TPST2: variants seen among roughly 807,000 people sequenced by gnomAD.
TPST2 encodes tyrosylprotein sulfotransferase 2, also known as protein-tyrosine sulfotransferase 2.
In TPST2, 16 loss-of-function variants were observed where a neutral mutation model predicts 27.8. The observed-to-expected ratio is 0.58, with a 90% confidence interval of 0.39 to 0.88. TPST2 has a LOEUF of 0.88. Among genes scored for constraint, TPST2 ranks in the 40% least tolerant of loss-of-function variants. TPST2 has a pLI of 0.00. For missense variants in TPST2, 464 were observed against 543.1 expected, an observed-to-expected ratio of 0.85 and a Z score of 1.45; for synonymous variants, 229 against 231.7, an observed-to-expected ratio of 0.99 and a Z score of 0.10.
chr22:26,582,233 G>C (rs769868023), intron 1 of TPST2, among the ~76,000 whole-genome samples: 1 of 152,056 alleles, frequency 6.6e-6, no homozygotes, highest in Non-Finnish European at 1.5e-5. Flanking sequence ...TTGAGACCAG[G>C]CTGGCCAACA....
intron 1 of TPST2, among the ~76,000 whole-genome samples, chr22:26,587,275 C>T (rs1341614612): frequency 6.6e-6 from 1 of 152,184 alleles, no homozygotes; most frequent in Non-Finnish European, 1.5e-5. Flanking sequence ...CTTTCACCCC[C>T]TCCTAATACT....
At chr22:26,557,094 C>A (rs770612706) in intron 1 of TPST2, among the ~76,000 whole-genome samples, 1 of 152,232 alleles carries the variant, frequency 6.6e-6, no homozygotes, top group Non-Finnish European at 1.5e-5. Context: ...ATAAAAGAAC[C>A]ATGGCTCCTC....
intron 1 of TPST2, chr22:26,555,265 G>GA (rs1569187581): frequency 1.9e-6 from 1 of 529,656 alleles, no homozygotes; most frequent in Non-Finnish European, 3.8e-6. Flanking sequence ...TTTTGCCACT[G>GA]AAAGTAATAC....
At chr22:26,568,089 C>A (rs1474641744) in intron 1 of TPST2, among the ~76,000 whole-genome samples, 9 of 152,192 alleles carry the variant, frequency 5.9e-5, no homozygotes, top group Admixed American at 5.2e-4. Flanking sequence ...TTCAACTGTT[C>A]ACCGAAGGGC....
chr22:26,533,325 C>G (rs1007528939), intron 4 of TPST2, among the ~76,000 whole-genome samples: 1 of 152,144 alleles, frequency 6.6e-6, no homozygotes, highest in Admixed American at 6.5e-5. Context: ...CCAGCCTCAG[C>G]TGGAGGATTG....
intron 1 of TPST2, among the ~76,000 whole-genome samples, chr22:26,568,466 G>A (rs766312538): frequency 1.1e-4 from 16 of 152,160 alleles, no homozygotes; most frequent in Non-Finnish European, 2.2e-4. Flanking sequence ...GATACAGGTC[G>A]TAAAGACCCC....
intron 1 of TPST2, among the ~76,000 whole-genome samples, chr22:26,572,220 T>C (rs919929949): frequency 6.6e-6 from 1 of 152,134 alleles, no homozygotes; most frequent in African/African-American, 2.4e-5. Context: ...GGTTCAAAGA[T>C]GGACGTTTGA....
At chr22:26,565,723 G>A (rs1927346395) in intron 1 of TPST2, 5 of 152,076 alleles carry the variant, frequency 3.3e-5, no homozygotes, top group Admixed American at 2.6e-4. Flanking sequence ...TGTTACAGAA[G>A]TAAATTTAAT....
chr22:26,577,095 CAAA>C (rs34865016), intron 1 of TPST2, among the ~76,000 whole-genome samples: 4 of 75,514 alleles, frequency 5.3e-5, no homozygotes, highest in Non-Finnish European at 7.4e-5. Context: ...GACTCTGTTG[CAAA>C]AAAAAAAAAA....
At position 26,540,863 on chromosome 22, in the gene TPST2, G is replaced by A. The variant is rs145597019; in HGVS notation, c.768C>T (p.Leu256=). The change falls in exon 3 of 7, where the codon CTC becomes CTT. Residue 256 remains leucine (L), a synonymous_variant. Coordinates refer to ENST00000338754, the MANE Select transcript of TPST2 (RefSeq NM_003595.5). The part of the protein sequence containing the change: ...RRSLKLILDF[L]GIAWSDAVLH... ...GGACAGCGTCGCTCCAGGCGATGCC[G>A]AGGAAGTCGAGGATGAGCTTGAGTG... The A allele has an allele frequency of 5.0e-5, 80 of 1,613,926 alleles. No individual in the cohort carries two copies. Among genetic ancestry groups the A allele is most frequent in the African/African-American group, 1.1e-4 (8 of 74,918 alleles).
intron 5 of TPST2, among the ~76,000 whole-genome samples, chr22:26,531,962 T>G (rs8142388): frequency 0.033 from 4,960 of 152,218 alleles, 277 homozygotes; most frequent in African/African-American, 0.11. Context: ...GCCAAAACCC[T>G]GTCTCTACAA....
At chr22:26,551,318 T>C (rs1374341458) in intron 1 of TPST2, among the ~76,000 whole-genome samples, 2 of 152,096 alleles carry the variant, frequency 1.3e-5, no homozygotes, top group South Asian at 2.1e-4. Flanking sequence ...AAAAAAACAT[T>C]AGTTCAGACT....
intron 3 of TPST2, among the ~76,000 whole-genome samples, chr22:26,539,015 C>T (rs1003908608): frequency 2.6e-5 from 4 of 152,194 alleles, no homozygotes; most frequent in Non-Finnish European, 4.4e-5. Flanking sequence ...GTTGTTTCTC[C>T]GTTCTTCTTT....
At chr22:26,549,854 C>A (rs1926363779) in intron 1 of TPST2, among the ~76,000 whole-genome samples, 1 of 139,368 alleles carries the variant, frequency 7.2e-6, no homozygotes, top group Non-Finnish European at 1.5e-5. Context: ...CACGGTGAAA[C>A]CCCCCTCTCT....
At chr22:26,547,018 A>C (rs971508715) in intron 1 of TPST2, among the ~76,000 whole-genome samples, 4 of 152,134 alleles carry the variant, frequency 2.6e-5, no homozygotes, top group African/African-American at 9.7e-5. Context: ...ATCACTGCAG[A>C]GTGTTCTGCT....
chr22:26,540,418 G>A (rs534516445), intron 3 of TPST2, among the ~76,000 whole-genome samples: 1 of 152,120 alleles, frequency 6.6e-6, no homozygotes, highest in Admixed American at 6.6e-5. Flanking sequence ...TGGGCAACAG[G>A]GCAAACCCCA....
chr22:26,574,636 T>C (rs1927759721), intron 1 of TPST2, among the ~76,000 whole-genome samples: 1 of 152,200 alleles, frequency 6.6e-6, no homozygotes, highest in Non-Finnish European at 1.5e-5. Context: ...TCTGCTTTTC[T>C]CCTGGGCTCC....
chr22:26,571,096 A>G (rs1253694836), intron 1 of TPST2, among the ~76,000 whole-genome samples: 1 of 152,096 alleles, frequency 6.6e-6, no homozygotes, highest in African/African-American at 2.4e-5. Context: ...CATGGCTCCC[A>G]CTTTACTCAG....
chr22:26,537,555 C>T (rs1925539418), intron 3 of TPST2, among the ~76,000 whole-genome samples: 5 of 152,304 alleles, frequency 3.3e-5, no homozygotes, highest in South Asian at 2.1e-4. Context: ...TGGGTTCAAA[C>T]GATTCTCATG....
Sources: gnomAD v4.1 joint callset for allele counts (sites outside exome capture counted in the v4.1 genomes callset) on GRCh38, gnomAD v4.1.1 for gene constraint, MANE v1.5 for transcripts, NCBI Gene and HGNC (gene_info 2026-07-23, HGNC 2026-07-21) for gene names.